PCBP3: variants seen among roughly 807,000 people sequenced by gnomAD.
PCBP3 encodes poly(rC)-binding protein 3.
PCBP3 carries 25 observed loss-of-function variants against 52.7 expected under a neutral mutation model. The ratio of observed to expected loss-of-function variants is 0.47; its 90% confidence interval spans 0.35 to 0.66. PCBP3 has a LOEUF of 0.66. PCBP3 is among the 30% of genes least tolerant of loss of function. The probability of loss-of-function intolerance (pLI) is 0.01; values close to 1 mark genes in which losing one functional copy is unlikely to be tolerated. For synonymous variants in PCBP3, 162 were observed against 183.0 expected (o/e 0.89, Z 0.93); for missense variants, 391 against 490.3 (o/e 0.80, Z 1.91).
chr21:45,869,220 T>A (rs944486331), intron 5 of PCBP3: 5 of 152,202 alleles, frequency 3.3e-5, no homozygotes, highest in Non-Finnish European at 1.5e-5. Flanking sequence ...CGTCAGCGGA[T>A]TGAAGCTGCG....
chr21:45,662,607 TGTAA>T (rs1357830095), intron 1 of PCBP3, among the ~76,000 whole-genome samples: 6 of 152,068 alleles, frequency 3.9e-5, no homozygotes, highest in Admixed American at 6.6e-5. Flanking sequence ...TATGATTATA[TGTAA>T]GTATCACTAA....
chr21:45,752,021 G>A (rs978430981), intron 3 of PCBP3, among the ~76,000 whole-genome samples: 4 of 152,010 alleles, frequency 2.6e-5, no homozygotes, highest in African/African-American at 9.7e-5. Context: ...GTATCTTAGA[G>A]ATATTATTTC....
chr21:45,711,067 A>G (rs1004377332), intron 2 of PCBP3, among the ~76,000 whole-genome samples: 5 of 152,106 alleles, frequency 3.3e-5, no homozygotes, highest in African/African-American at 7.2e-5. Flanking sequence ...CATTTTGTGT[A>G]TAGTATTTCC....
intron 5 of PCBP3, among the ~76,000 whole-genome samples, chr21:45,854,276 G>C (rs1472202919): frequency 3.3e-5 from 5 of 151,954 alleles, no homozygotes; most frequent in Admixed American, 3.3e-4. Flanking sequence ...ATTTTTAGTT[G>C]TTGTAAAATG....
chr21:45,913,658 G>C (rs1265801983), intron 11 of PCBP3, among the ~76,000 whole-genome samples: 1 of 152,206 alleles, frequency 6.6e-6, no homozygotes, highest in African/African-American at 2.4e-5. Context: ...GAGCCTCCCA[G>C]GGATGTTCGG....
At chr21:45,658,923 T>G (rs1157239155) in intron 1 of PCBP3, among the ~76,000 whole-genome samples, 1 of 152,164 alleles carries the variant, frequency 6.6e-6, no homozygotes, top group Non-Finnish European at 1.5e-5. Flanking sequence ...GAATTTCACC[T>G]AGGTTATCTA....
intron 4 of PCBP3, among the ~76,000 whole-genome samples, chr21:45,767,790 A>G (rs2089490011): frequency 6.6e-6 from 1 of 152,198 alleles, no homozygotes; most frequent in South Asian, 2.1e-4. Context: ...TCCGGTGCTC[A>G]TGTCAGGCCC....
rs2092266386 is a variant in PCBP3 at position 45,800,745 on chromosome 21, C to A, written c.-126+45293C>A. On this transcript the variant is annotated intron_variant, in intron 4 of 17. Coordinates refer to ENST00000681687, the MANE Select transcript of PCBP3 (RefSeq NM_001384156.1). The surrounding 1 kb of genome is among the most constrained non-coding windows in gnomAD (Gnocchi z 5.3). ...GTGCCTCACTATGCCTAGGCCACAG[C>A]CCGGGAGGGAGGATGTCTTTCCCTG... 6.6e-6 allele frequency among the ~76,000 whole-genome samples: 1 copy of A among 152,250 alleles called. No homozygotes were observed. The highest frequency in any genetic ancestry group is 6.5e-5 in the Admixed American group (1 of 15,292).
intron 4 of PCBP3, among the ~76,000 whole-genome samples, chr21:45,815,103 GGTGAGTGGTGA>G (rs2092853603): frequency 7.8e-3 from 5 of 642 alleles, no homozygotes; most frequent in Non-Finnish European, 0.022. Context: ...ATGAGTGAGT[GGTGAGTGGTGA>G]GTGAGTGGTG....
rs62213549 is a variant in PCBP3 at position 45,784,596 on chromosome 21, A to G, written c.-126+29144A>G. Among the ~76,000 whole-genome samples, 13 of 152,146 alleles carry G rather than the reference A, an allele frequency of 8.5e-5. No homozygotes were observed. In the South Asian group the frequency reaches 2.5e-3, roughly 29 times the overall value. On this transcript the variant is annotated intron_variant, in intron 4 of 17. Coordinates refer to ENST00000681687, the MANE Select transcript of PCBP3 (RefSeq NM_001384156.1). ...CTGCCTCAGCCTGCCGAGTGCCTGC[A>G]ATTGCAGGCGCGCGCCGCCACGCCT...
rs946548114 is a variant in PCBP3, at chr21:45,724,507, C to T, written c.-199-10885C>T. ...GAGTCCCAGCCCTGCCCCTGCCAAG[C>T]GAGGTGGGGACAGCTGGGAATCTCG... On this transcript the variant is annotated intron_variant, in intron 2 of 17. Coordinates refer to ENST00000681687, the MANE Select transcript of PCBP3 (RefSeq NM_001384156.1). The surrounding 1 kb of genome is among the most constrained non-coding windows in gnomAD (Gnocchi z 5.3). Among the ~76,000 whole-genome samples, 2 of 152,174 alleles carry T rather than the reference C, an allele frequency of 1.3e-5. No individual in the cohort carries two copies. Among genetic ancestry groups the T allele is most frequent in the Non-Finnish European group, 2.9e-5 (2 of 68,034 alleles).
chr21:45,710,542 A>G (rs951268927), intron 2 of PCBP3, among the ~76,000 whole-genome samples: 3 of 152,148 alleles, frequency 2.0e-5, no homozygotes, highest in South Asian at 4.1e-4. Context: ...CATTTTCTTA[A>G]TCCAGTCTAT....
chr21:45,923,021 G>A (rs2074675939), intron 13 of PCBP3, among the ~76,000 whole-genome samples: 1 of 152,266 alleles, frequency 6.6e-6, no homozygotes, highest in Non-Finnish European at 1.5e-5. Context: ...ACCAGATCCT[G>A]TGCTGGATGC....
intron 16 of PCBP3, among the ~76,000 whole-genome samples, chr21:45,937,568 G>T (rs950730213): frequency 1.3e-5 from 2 of 152,230 alleles, no homozygotes; most frequent in Non-Finnish European, 2.9e-5. Flanking sequence ...GTGGAATTTG[G>T]CATTGACATC....
rs1395873034 is a variant in PCBP3 at position 45,928,075 on chromosome 21, T to C, written c.718-1842T>C. On this transcript the variant is annotated intron_variant, in intron 13 of 17. Coordinates refer to ENST00000681687, the MANE Select transcript of PCBP3 (RefSeq NM_001384156.1). This position sits in a 1 kb window ranked among gnomAD's most constrained non-coding sequence, Gnocchi z 4.1. ...CCCGGCCTGGGACACTTGCGGTCTT[T>C]CCTGACGTGCCCCGTCCAGGTGGGG... Among the ~76,000 whole-genome samples the C allele has an allele frequency of 2.0e-5, 3 of 152,204 alleles. No homozygotes were observed. Among genetic ancestry groups the C allele is most frequent in the East Asian group, 1.9e-4 (1 of 5,182 alleles).
chr21:45,663,721 C>T (rs1391759863), intron 1 of PCBP3, among the ~76,000 whole-genome samples: 1 of 151,910 alleles, frequency 6.6e-6, no homozygotes, highest in Non-Finnish European at 1.5e-5. Flanking sequence ...CTATTCTGTC[C>T]CCATTGATCT....
intron 2 of PCBP3, among the ~76,000 whole-genome samples, chr21:45,683,881 G>T (rs936949976): frequency 6.6e-6 from 1 of 151,526 alleles, no homozygotes; most frequent in Admixed American, 6.6e-5. Context: ...AGCCGAGATC[G>T]TGCCACTGCA....
chr21:45,701,630 G>A lies in PCBP3; in HGVS notation c.-200+32678G>A, dbSNP rs541851177. Among the ~76,000 whole-genome samples the A allele has an allele frequency of 1.7e-4, 26 of 152,170 alleles. 1 individual carries two copies. Among genetic ancestry groups the A allele is most frequent in the African/African-American group, 4.6e-4 (19 of 41,518 alleles). On this transcript the variant is annotated intron_variant, in intron 2 of 17. Transcript: ENST00000681687. ...GGCTGGAGTGCAGTGGCACAATCTCGGCTCACTGCAACCTCTGCCTCACAA... is the reference window on the plus strand; with the variant it reads ...GGCTGGAGTGCAGTGGCACAATCTCAGCTCACTGCAACCTCTGCCTCACAA...
rs990026833 is a variant in PCBP3, at chr21:45,848,017, C to G, written c.-125-1944C>G. On this transcript the variant is annotated intron_variant, in intron 4 of 17. Coordinates refer to ENST00000681687, the MANE Select transcript of PCBP3 (RefSeq NM_001384156.1). ...CTCACCTCTTGGTCAGCCTCATGTT[C>G]TCTTTGATGTTCTCAGTCCTCCTGC... is the stretch of plus-strand genomic sequence containing the variant. The G allele has an allele frequency of 3.9e-5, 6 of 152,298 alleles. No homozygotes were observed. The East Asian group carries it at 5.8e-4, about 15-fold the overall frequency. The allele number at this position is 152,298 out of a possible 1,614,324, so 9.4% of individuals were successfully genotyped here.
Sources: gnomAD v4.1 joint callset for allele counts (sites outside exome capture counted in the v4.1 genomes callset) on GRCh38, gnomAD v4.1.1 for gene constraint, Gnocchi (gnomAD v3.1) non-coding constraint, MANE v1.5 for transcripts, NCBI Gene and HGNC (gene_info 2026-07-23, HGNC 2026-07-21) for gene names.